EAF2: variants seen among roughly 807,000 people sequenced by gnomAD.
The protein encoded by EAF2 is ELL-associated factor 2.
Under a neutral mutation model 29.4 loss-of-function variants are expected in EAF2, and 29 were observed. The ratio of observed to expected loss-of-function variants is 0.99; its 90% CI spans 0.73 to 1.35. The LOEUF (loss-of-function observed/expected upper bound fraction) is 1.35, where lower values mean the gene tolerates loss of function less well. Ranked by LOEUF, EAF2 falls within the 40% of genes most tolerant of loss-of-function variation. The pLI, the probability that EAF2 is intolerant of heterozygous loss-of-function variation, is 0.00. For missense variants in EAF2, 292 were observed against 312.0 expected (o/e 0.94, Z 0.48); for synonymous variants, 103 against 102.5 (o/e 1.00, Z -0.03).
intron 3 of EAF2, among the ~76,000 whole-genome samples, chr3:121,856,584 T>G (rs1195588611): frequency 6.6e-6 from 1 of 152,162 alleles, no homozygotes; most frequent in South Asian, 2.1e-4. Flanking sequence ...TGGGCTCAAA[T>G]GATCCTCCCA....
At chr3:121,843,779 T>C (rs1708473501) in intron 1 of EAF2, among the ~76,000 whole-genome samples, 1 of 152,176 alleles carries the variant, frequency 6.6e-6, no homozygotes, top group Non-Finnish European at 1.5e-5. Flanking sequence ...AATTAAATTG[T>C]ATTTTAAGAT....
chr3:121,872,475 T>C (rs535051680), intron 4 of EAF2, 62 bp from the exon 5 acceptor site: 1 of 1,277,564 alleles, frequency 7.8e-7, no homozygotes, highest in South Asian at 1.7e-5. Flanking sequence ...ACATTCAATT[T>C]TTATTATATT....
At chr3:121,853,399 C>T (rs1708666241) in intron 2 of EAF2, among the ~76,000 whole-genome samples, 1 of 152,126 alleles carries the variant, frequency 6.6e-6, no homozygotes. Flanking sequence ...AAAGTCCCTT[C>T]CTTTCTTCTC....
intron 1 of EAF2, among the ~76,000 whole-genome samples, chr3:121,840,334 T>C (rs566491083): frequency 6.9e-6 from 1 of 145,572 alleles, no homozygotes; most frequent in South Asian, 2.2e-4. Flanking sequence ...CTACTAAAAA[T>C]ACAAAAATTA....
At chr3:121,844,130 A>G (rs1708480724) in intron 1 of EAF2, among the ~76,000 whole-genome samples, 1 of 152,180 alleles carries the variant, frequency 6.6e-6, no homozygotes, top group African/African-American at 2.4e-5. Flanking sequence ...GTTTTTTAGC[A>G]AGTTGTGAAA....
At chr3:121,874,236 T>C (rs1709061584) in intron 5 of EAF2, among the ~76,000 whole-genome samples, 1 of 151,778 alleles carries the variant, frequency 6.6e-6, no homozygotes, top group Non-Finnish European at 1.5e-5. Context: ...TTTAGCCTAA[T>C]AATAGAACTA....
chr3:121,840,516 A>C (rs1168896685), intron 1 of EAF2, among the ~76,000 whole-genome samples: 3 of 108,702 alleles, frequency 2.8e-5, no homozygotes, highest in East Asian at 2.2e-4. Context: ...AAAGAAAAAA[A>C]AAAAACGGGC....
intron 3 of EAF2, among the ~76,000 whole-genome samples, chr3:121,855,246 G>A (rs1252287718): frequency 6.6e-6 from 1 of 152,162 alleles, no homozygotes; most frequent in Non-Finnish European, 1.5e-5. Context: ...CAGATAAACA[G>A]ACTATTCCAT....
At position 121,864,083 on chromosome 3, in the gene EAF2, A is replaced by G. The variant is rs1314742515; in HGVS notation, c.484+6927A>G. ...TCTGAATTGCTGCTTACTTCTCAGA[A>G]GGGAGGTATTTTTGGGGAAGTACAT... is the stretch of plus-strand genomic sequence containing the variant. On this transcript the variant is annotated intron_variant, in intron 4 of 5. Transcript: ENST00000273668. 3.9e-5 allele frequency among the ~76,000 whole-genome samples: 6 copies of G among 152,198 alleles called. No homozygotes were observed. The East Asian group carries it at 9.6e-4, about 24-fold the overall frequency.
At chr3:121,846,876 A>G (rs1212608614) in intron 2 of EAF2, among the ~76,000 whole-genome samples, 1 of 152,148 alleles carries the variant, frequency 6.6e-6, no homozygotes, top group Non-Finnish European at 1.5e-5. Flanking sequence ...AAGAGTTACC[A>G]TCTTCCAGGT....
chr3:121,875,681 A>G (rs1466194672), intron 5 of EAF2, among the ~76,000 whole-genome samples: 4 of 152,162 alleles, frequency 2.6e-5, no homozygotes, highest in Middle Eastern at 3.4e-3. Context: ...AAGTACGCTA[A>G]AAACATTCAA....
At chr3:121,864,840 A>G (rs1708896013) in intron 4 of EAF2, among the ~76,000 whole-genome samples, 1 of 152,044 alleles carries the variant, frequency 6.6e-6, no homozygotes, top group African/African-American at 2.4e-5. Flanking sequence ...AATAGTAATA[A>G]TAATTTAGCT....
chr3:121,844,062 A>G (rs1012340577), intron 1 of EAF2, among the ~76,000 whole-genome samples: 1 of 152,164 alleles, frequency 6.6e-6, no homozygotes, highest in Non-Finnish European at 1.5e-5. Context: ...AAATGACATA[A>G]AAAAGAAAAA....
intron 4 of EAF2, among the ~76,000 whole-genome samples, chr3:121,866,101 T>C (rs770042551): frequency 6.6e-6 from 1 of 152,186 alleles, no homozygotes; most frequent in Non-Finnish European, 1.5e-5. Context: ...AAAAATTGCC[T>C]GGTTCAGGAA....
At chr3:121,850,044 TC>T (rs1708602554) in intron 2 of EAF2, among the ~76,000 whole-genome samples, 1 of 151,192 alleles carries the variant, frequency 6.6e-6, no homozygotes, top group African/African-American at 2.4e-5. Context: ...TTACTTTTTT[TC>T]TTTTGTGTAT....
intron 1 of EAF2, among the ~76,000 whole-genome samples, chr3:121,843,425 T>C (rs1708468028): frequency 6.6e-6 from 1 of 152,168 alleles, no homozygotes; most frequent in African/African-American, 2.4e-5. Context: ...ATTAATCTTT[T>C]GGAACAATGG....
At chr3:121,845,432 C>T (rs1159690141) in intron 2 of EAF2, among the ~76,000 whole-genome samples, 1 of 55,124 alleles carries the variant, frequency 1.8e-5, no homozygotes, top group South Asian at 7.0e-4. Flanking sequence ...AGCGAGACTC[C>T]TACATCTCAA....
chr3:121,873,523 C>T, intron 5 of EAF2, among the ~76,000 whole-genome samples: 1 of 151,766 alleles, frequency 6.6e-6, no homozygotes, highest in Non-Finnish European at 1.5e-5. Context: ...CTGGTTCACC[C>T]CTTTATGTAG....
intron 4 of EAF2, among the ~76,000 whole-genome samples, chr3:121,858,440 T>C (rs1260630619): frequency 2.6e-5 from 4 of 152,256 alleles, no homozygotes; most frequent in African/African-American, 4.8e-5. Context: ...CATTTTTTCA[T>C]GTGTCTGTTG....
Sources: allele counts gnomAD v4.1 joint callset (sites outside exome capture counted in the v4.1 genomes callset), GRCh38; gene constraint gnomAD v4.1.1; transcripts MANE v1.5; gene names NCBI Gene and HGNC (gene_info 2026-07-23, HGNC 2026-07-21).